Variants in OLA1 observed in about 807,000 individuals in gnomAD.
The protein encoded by OLA1 is obg-like ATPase 1.
In OLA1, 14 loss-of-function variants were observed where a neutral mutation model predicts 48.4. The ratio of observed to expected loss-of-function variants is 0.29; its 90% confidence interval spans 0.19 to 0.45. OLA1 has a LOEUF of 0.45. OLA1 is among the 20% of genes least tolerant of loss of function. The probability of loss-of-function intolerance (pLI) is 1.00; values close to 1 mark genes in which losing one functional copy is unlikely to be tolerated. For synonymous variants in OLA1, 127 were observed against 150.4 expected (o/e 0.84, Z 1.14); for missense variants, 325 against 467.1 (o/e 0.70, Z 2.80).
chr2:174,163,706 AAAT>A lies in OLA1; in HGVS notation c.374-21709_374-21707del, dbSNP rs1197520958. 1.2e-3 allele frequency among the ~76,000 whole-genome samples: 59 copies of A among 51,108 alleles called. 2 individuals carry two copies. The highest frequency in any genetic ancestry group is 5.6e-3 in the African/African-American group (57 of 10,176). 33.5% of individuals were successfully genotyped at this position (51,108 alleles called of 152,430 possible). A position where few individuals can be genotyped will look rare whatever the true frequency, so the allele number is the denominator to read the frequency against. ...ACCTTGTCTCAAAAATAAAATAAAT[AAAT>A]AAATATATATATATATATATATATA... is the stretch of plus-strand genomic sequence containing the variant. On this transcript the variant is annotated intron_variant, in intron 4 of 10. Coordinates refer to ENST00000284719, the MANE Select transcript of OLA1 (RefSeq NM_013341.5).
chr2:174,219,423 C>CTTTTTTTTTTTTTTTTTTT (rs372577919), intron 4 of OLA1, among the ~76,000 whole-genome samples: 3 of 94,890 alleles, frequency 3.2e-5, no homozygotes, highest in Non-Finnish European at 5.8e-5. Flanking sequence ...TTTTATTTCC[C>CTTTTTTTTTTTTTTTTTTT]TTTTTTTTTT....
At chr2:174,100,467 C>G (rs1390395222) in intron 7 of OLA1, among the ~76,000 whole-genome samples, 1 of 152,088 alleles carries the variant, frequency 6.6e-6, no homozygotes, top group African/African-American at 2.4e-5. Context: ...TGCAGTGGCA[C>G]AATCATGGTT....
chr2:174,223,273 A>G, intron 3 of OLA1, 113 bp from the exon 4 acceptor site: 2 of 1,036,658 alleles, frequency 1.9e-6, no homozygotes, highest in Non-Finnish European at 2.8e-6. Context: ...ACAATGGAAC[A>G]ATAATGATTT....
At chr2:174,120,771 C>G (rs936315236) in intron 7 of OLA1, among the ~76,000 whole-genome samples, 10 of 152,174 alleles carry the variant, frequency 6.6e-5, no homozygotes, top group Non-Finnish European at 1.5e-4. Context: ...GTGTTCAATA[C>G]TTCTGAAATG....
At chr2:174,237,942 C>T (rs1288572183) in intron 2 of OLA1, among the ~76,000 whole-genome samples, 1 of 152,192 alleles carries the variant, frequency 6.6e-6, no homozygotes, top group Non-Finnish European at 1.5e-5. Context: ...ACCACAACTA[C>T]AGTATCACCA....
rs576718134 is a variant in OLA1, at chr2:174,195,723, G to C, written c.373+27310C>G. Among the ~76,000 whole-genome samples the C allele has an allele frequency of 4.6e-5, 7 of 152,218 alleles. No individual in the cohort carries two copies. In the South Asian group the frequency reaches 1.0e-3, roughly 23 times the overall value. On this transcript the variant is annotated intron_variant, in intron 4 of 10. Transcript: ENST00000284719. ...TTAGCAAGCCAATTATATTGCAGAG[G>C]CATACCACTGGCTACTTTAGAAAAC...
chr2:174,121,964 T>C (rs1369159351), intron 7 of OLA1, among the ~76,000 whole-genome samples: 1 of 152,186 alleles, frequency 6.6e-6, no homozygotes, highest in African/African-American at 2.4e-5. Context: ...ATGAGAAGAT[T>C]TATTAACTGA....
At chr2:174,222,802 A>G (rs1688536433) in intron 4 of OLA1, among the ~76,000 whole-genome samples, 1 of 152,246 alleles carries the variant, frequency 6.6e-6, no homozygotes, top group Admixed American at 6.5e-5. Context: ...CAGGGAATAA[A>G]GTTCAATTAG....
intron 2 of OLA1, 115 bp downstream of exon 2, chr2:174,246,600 C>T (rs1043218325): frequency 2.8e-6 from 2 of 707,714 alleles, no homozygotes; most frequent in African/African-American, 1.8e-5. Context: ...AATAGTCCAG[C>T]TTCCTGGCCT....
At chr2:174,153,029 T>TAAAA (rs1295852913) in intron 4 of OLA1, among the ~76,000 whole-genome samples, 1 of 152,190 alleles carries the variant, frequency 6.6e-6, no homozygotes, top group Non-Finnish European at 1.5e-5. Context: ...CCAAGAGGAA[T>TAAAA]AAAACTACCA....
intron 4 of OLA1, among the ~76,000 whole-genome samples, chr2:174,191,510 A>G (rs569981165): frequency 1.3e-5 from 2 of 151,922 alleles, no homozygotes; most frequent in East Asian, 1.9e-4. Context: ...GCTGGAGTGC[A>G]GAGGTGAAAT....
intron 3 of OLA1, among the ~76,000 whole-genome samples, chr2:174,225,696 G>T (rs891587061): frequency 6.6e-6 from 1 of 152,134 alleles, no homozygotes; most frequent in African/African-American, 2.4e-5. Flanking sequence ...ATACAAAATG[G>T]ACTAATGCAG....
chr2:174,198,255 C>A (rs1270833102), intron 4 of OLA1, among the ~76,000 whole-genome samples: 1 of 152,238 alleles, frequency 6.6e-6, no homozygotes, highest in East Asian at 1.9e-4. Context: ...GCCACCGTGC[C>A]CAGCCTGCAA....
chr2:174,130,596 A>G (rs1280765856), intron 5 of OLA1, among the ~76,000 whole-genome samples: 2 of 152,206 alleles, frequency 1.3e-5, no homozygotes, highest in Non-Finnish European at 2.9e-5. Flanking sequence ...AGTAAAGAGA[A>G]GAAGGCAACT....
At chr2:174,134,826 A>G (rs1248216750) in intron 5 of OLA1, among the ~76,000 whole-genome samples, 1 of 152,230 alleles carries the variant, frequency 6.6e-6, no homozygotes, top group Non-Finnish European at 1.5e-5. Context: ...TTTAAGGAAC[A>G]AGAAACTTTT....
chr2:174,232,493 CGGA>C (rs1481846222), intron 2 of OLA1, among the ~76,000 whole-genome samples: 2 of 151,930 alleles, frequency 1.3e-5, no homozygotes, highest in African/African-American at 4.8e-5. Flanking sequence ...CTACTTCCAT[CGGA>C]GAAGAAGGCC....
At chr2:174,101,091 A>G (rs1455963753) in intron 7 of OLA1, among the ~76,000 whole-genome samples, 2 of 152,208 alleles carry the variant, frequency 1.3e-5, no homozygotes, top group Non-Finnish European at 2.9e-5. Context: ...AACTTAAATG[A>G]AAACGCCAAT....
At chr2:174,076,804 C>CACAT (rs1684748015) in intron 10 of OLA1, among the ~76,000 whole-genome samples, 1 of 150,264 alleles carries the variant, frequency 6.7e-6, no homozygotes, top group Admixed American at 6.7e-5. Flanking sequence ...ATATATGACA[C>CACAT]ATATGTGTGT....
chr2:174,139,398 C>A (rs1686386210), intron 5 of OLA1, among the ~76,000 whole-genome samples: 2 of 152,200 alleles, frequency 1.3e-5, no homozygotes, highest in Non-Finnish European at 2.9e-5. Context: ...ACTTCTCATC[C>A]TCCAGAACCG....
Sources: gnomAD v4.1 joint callset for allele counts (sites outside exome capture counted in the v4.1 genomes callset) on GRCh38, gnomAD v4.1.1 for gene constraint, MANE v1.5 for transcripts, NCBI Gene and HGNC (gene_info 2026-07-23, HGNC 2026-07-21) for gene names.